The following SLC2A8 variants were observed in gnomAD, a reference collection of about 807,000 sequenced individuals.
SLC2A8 encodes solute carrier family 2, facilitated glucose transporter member 8.
A neutral mutation model predicts 49.2 loss-of-function variants in SLC2A8; 53 were observed. The ratio of observed to expected loss-of-function variants is 1.08; its 90% CI spans 0.86 to 1.35. The LOEUF (loss-of-function observed/expected upper bound fraction) is 1.35. Among genes scored for constraint, SLC2A8 ranks in the 40% most tolerant of loss-of-function variants. The pLI is 0.00. For synonymous variants in SLC2A8, 299 were observed against 297.0 expected (o/e 1.01, Z -0.07); for missense variants, 688 against 671.7 (o/e 1.02, Z -0.27).
intron 4 of SLC2A8, among the ~76,000 whole-genome samples, chr9:127,401,046 G>A (rs1461273781): frequency 1.3e-5 from 2 of 152,224 alleles, no homozygotes; most frequent in Non-Finnish European, 2.9e-5. Flanking sequence ...AGTGAGCTGA[G>A]ATCGCGCCAC....
chr9:127,404,354 A>G (rs1833410206), intron 7 of SLC2A8: 1 of 377,316 alleles, frequency 2.7e-6, no homozygotes, highest in East Asian at 5.2e-5. Context: ...AAGTGACTCA[A>G]GAGTTTGTGG....
chr9:127,398,191 G>A lies in SLC2A8; in HGVS notation c.426+80G>A, dbSNP rs112077033. The A allele has an allele frequency of 4.5e-3, 6,491 of 1,450,202 alleles. 230 individuals are homozygous for A. In the African/African-American group the frequency reaches 0.078, roughly 18 times the overall value. 89.8% of individuals were successfully genotyped at this position (1,450,202 alleles called of 1,614,324 possible). On this transcript the variant is annotated intron_variant, in intron 3 of 9. Coordinates refer to ENST00000373371, the MANE Select transcript of SLC2A8 (RefSeq NM_014580.5). ...TGGGACAAACCGCTCCCCAGGCCTG[G>A]GGGCGCGGCTCCCCCTGGCGGGACC...
Position 127,399,557 on chromosome 9 carries a change from A to G in SLC2A8, c.427-350A>G, listed in dbSNP as rs1833189380. 6.8e-6 allele frequency among the ~76,000 whole-genome samples: 1 copy of G among 146,360 alleles called. No homozygotes were observed. The highest frequency in any genetic ancestry group is 2.6e-5 in the African/African-American group (1 of 38,956). On this transcript the variant is annotated intron_variant, in intron 3 of 9. Transcript: ENST00000373371. This position sits in a 1 kb window ranked among gnomAD's most constrained non-coding sequence, Gnocchi z 4.2. ...TTTAAGAACTCTTGGAGCCTGAGTA[A>G]AGCCTCATCTTTTTTTTTTTTTTTT...
At position 127,407,744 on chromosome 9, in the gene SLC2A8, GCTTTA is replaced by G. The variant is rs1428161522; in HGVS notation, c.*499_*503del. The G allele has an allele frequency of 5.4e-6, 1 of 186,466 alleles. No individual in the cohort carries two copies. Among genetic ancestry groups the G allele is most frequent in the Non-Finnish European group, 1.2e-5 (1 of 86,838 alleles). 11.6% of individuals were successfully genotyped at this position (186,466 alleles called of 1,614,324 possible). ...CCATCACTGCCCAGGACACCCTGTG[GCTTTA>G]CTTGCTCATGGTCAGCCAAGCTTAC... On this transcript the variant is annotated 3_prime_UTR_variant, in exon 10 of 10. Coordinates refer to ENST00000373371, the MANE Select transcript of SLC2A8 (RefSeq NM_014580.5).
intron 4 of SLC2A8, among the ~76,000 whole-genome samples, chr9:127,400,413 T>C (rs1369853780): frequency 1.3e-5 from 2 of 151,870 alleles, no homozygotes; most frequent in Non-Finnish European, 2.9e-5. Context: ...AAACCTCAGC[T>C]TCCCAAAGTG....
At position 127,404,890 on chromosome 9, in the gene SLC2A8, C is replaced by G. The variant is rs758945411; in HGVS notation, c.1049C>G (p.Ser350Cys). 4 of 1,612,734 alleles carry G rather than the reference C, an allele frequency of 2.5e-6. No homozygotes were observed. Among genetic ancestry groups the G allele is most frequent in the Non-Finnish European group, 3.4e-6 (4 of 1,179,806 alleles). ...FKLTQGGPGNSSHVAISAPVS... is the reference protein window; with the variant it reads ...FKLTQGGPGNCSHVAISAPVS... Reference sequence around the variant, plus strand: ...CTGACCCAGGGTGGCCCTGGCAACTCCTCGCACGTGGCCATCTCGGCGCCT... The same window carrying G: ...CTGACCCAGGGTGGCCCTGGCAACTGCTCGCACGTGGCCATCTCGGCGCCT... The change falls in exon 8 of 10, where the codon TCC becomes TGC. Residue 350 changes from serine (S) to cysteine (C), a missense_variant. Coordinates refer to ENST00000373371, the MANE Select transcript of SLC2A8 (RefSeq NM_014580.5).
intron 1 of SLC2A8, 44 bp from the exon 2 acceptor site, chr9:127,397,332 C>T: frequency 1.4e-6 from 2 of 1,387,574 alleles, no homozygotes; most frequent in Non-Finnish European, 9.2e-7. Context: ...CGCCCTCCCG[C>T]CCCTCCGCGT....
At chr9:127,406,578 C>T (rs918129872) in intron 9 of SLC2A8, among the ~76,000 whole-genome samples, 3 of 126,658 alleles carry the variant, frequency 2.4e-5, no homozygotes, top group African/African-American at 8.5e-5. Flanking sequence ...CCCAGAGGAC[C>T]AGGAGCTGAG....
At chr9:127,402,797 C>T in intron 5 of SLC2A8, 44 bp downstream of exon 5, 2 of 1,484,910 alleles carry the variant, frequency 1.3e-6, no homozygotes, top group Middle Eastern at 2.2e-4. Flanking sequence ...GGACAGCAGT[C>T]ACGGGAGGGT....
At position 127,399,217 on chromosome 9, in the gene SLC2A8, C is replaced by T. The variant is rs1445821026; in HGVS notation, c.427-690C>T. ...GCCCTGGGCTAGGATCCTGGGTGGG[C>T]GTCACGTGGAGCTGGTTAACAAGGT... On this transcript the variant is annotated intron_variant, in intron 3 of 9. Transcript: ENST00000373371. This position sits in a 1 kb window ranked among gnomAD's most constrained non-coding sequence, Gnocchi z 4.2. 1.3e-5 allele frequency among the ~76,000 whole-genome samples: 2 copies of T among 152,144 alleles called. No individual in the cohort carries two copies. The highest frequency in any genetic ancestry group is 2.9e-5 in the Non-Finnish European group (2 of 68,026).
Position 127,404,032 on chromosome 9 carries a change from A to T in SLC2A8, c.941A>T (p.Asp314Val). 1 of 1,605,146 alleles carries T rather than the reference A, an allele frequency of 6.2e-7. No homozygotes were observed. The change falls in exon 7 of 10, where the codon GAC becomes GTC. Residue 314 changes from aspartate to valine, a missense_variant. By Grantham distance (152) the Asp-to-Val change is radical. Coordinates refer to ENST00000373371, the MANE Select transcript of SLC2A8 (RefSeq NM_014580.5). ...ACAGCTGTGGCGGCTCTCATCATGGACAGAGCAGGGCGGAGGCTGCTCCTG... is the reference window on the plus strand; with the variant it reads ...ACAGCTGTGGCGGCTCTCATCATGGTCAGAGCAGGGCGGAGGCTGCTCCTG... Reference protein sequence around the residue: ...LFTAVAALIMDRAGRRLLLVL... With the variant: ...LFTAVAALIMVRAGRRLLLVL...
In SLC2A8 at chr9:127,404,902, C is replaced by T. The variant is rs1172108724; in HGVS notation, c.1061C>T (p.Ala354Val). 6.2e-7 allele frequency: 1 copy of T among 1,612,716 alleles called. No homozygotes were observed. Among genetic ancestry groups the T allele is most frequent in the Non-Finnish European group, 8.5e-7 (1 of 1,179,878 alleles). Residue 354 changes from alanine (A) to valine (V), a missense_variant, in exon 8 of 10, where the codon GCC (alanine) becomes GTC (valine). Ala to Val is a moderately conservative substitution (Grantham distance 64). Transcript: ENST00000373371. ...QGGPGNSSHV[A>V]ISAPVSAQPV... ...GGCCCTGGCAACTCCTCGCACGTGG[C>T]CATCTCGGCGCCTGTCTCTGCACAG...
chr9:127,406,326 G>T (rs562028989), intron 9 of SLC2A8, among the ~76,000 whole-genome samples: 1 of 152,350 alleles, frequency 6.6e-6, no homozygotes, highest in Non-Finnish European at 1.5e-5. Context: ...TGAGGGGCCA[G>T]CCTGGAGTCT....
chr9:127,404,911 C>T lies in SLC2A8; in HGVS notation c.1070C>T (p.Ala357Val), dbSNP rs748032046. Reference protein sequence around the residue: ...PGNSSHVAISAPVSAQPVDAS... With the variant: ...PGNSSHVAISVPVSAQPVDAS... Reference sequence around the variant, plus strand: ...AACTCCTCGCACGTGGCCATCTCGGCGCCTGTCTCTGCACAGCCTGTTGAT... The same window carrying T: ...AACTCCTCGCACGTGGCCATCTCGGTGCCTGTCTCTGCACAGCCTGTTGAT... Residue 357 changes from alanine to valine, a missense_variant, in exon 8 of 10, where the codon GCG becomes GTG. Physicochemically the swap from Ala to Val is moderately conservative, Grantham distance 64. Coordinates refer to ENST00000373371, the MANE Select transcript of SLC2A8 (RefSeq NM_014580.5). 4 of 1,612,636 alleles carry T rather than the reference C, an allele frequency of 2.5e-6. No individual in the cohort carries two copies. The highest frequency in any genetic ancestry group is 1.7e-5 in the Admixed American group (1 of 60,030).
rs1833115795 is a variant in SLC2A8, at chr9:127,398,109, C to T, written c.424C>T (p.Pro142Ser). The T allele has an allele frequency of 1.3e-6, 2 of 1,574,670 alleles. No individual in the cohort carries two copies. The highest frequency in any genetic ancestry group is 2.3e-5 in the East Asian group (1 of 43,708). The change falls in exon 3 of 10, where the codon CCG becomes TCG. Residue 142 changes from proline (P) to serine (S), a missense_variant and splice_region_variant. Transcript: ENST00000373371. ...CTGCGGTGTTGCCTCCCTAGTGGCCCCGGTGAGTGTCCCGTCTCTCGAGTG... is the reference window on the plus strand; with the variant it reads ...CTGCGGTGTTGCCTCCCTAGTGGCCTCGGTGAGTGTCCCGTCTCTCGAGTG... ...LACGVASLVAPVYISEIAYPA... is the reference protein window; with the variant it reads ...LACGVASLVASVYISEIAYPA...
rs543633195 is a variant in SLC2A8, at chr9:127,406,001, G to A, written c.1296+436G>A. ...GAGAGTAACAGCAGCTTGCTCTTAAGACGGATGGGAGCATTAATTCAGTTC... is the reference window on the plus strand; with the variant it reads ...GAGAGTAACAGCAGCTTGCTCTTAAAACGGATGGGAGCATTAATTCAGTTC... On this transcript the variant is annotated intron_variant, in intron 9 of 9. Transcript: ENST00000373371. 55 of 522,304 alleles carry A rather than the reference G, an allele frequency of 1.1e-4. 1 individual carries two copies. The highest frequency in any genetic ancestry group is 7.4e-4 in the South Asian group (53 of 71,626). The allele number at this position is 522,304 out of a possible 1,614,324, so 32.4% of individuals were successfully genotyped here.
At position 127,407,472 on chromosome 9, in the gene SLC2A8, G is replaced by A. The variant is rs777138272; in HGVS notation, c.*223G>A. 23 of 681,610 alleles carry A rather than the reference G, an allele frequency of 3.4e-5. No individual in the cohort carries two copies. Among genetic ancestry groups the A allele is most frequent in the Non-Finnish European group, 5.5e-5 (20 of 364,528 alleles). 42.2% of individuals were successfully genotyped at this position (681,610 alleles called of 1,614,324 possible). A position where few individuals can be genotyped will look rare whatever the true frequency, so the allele number is the denominator to read the frequency against. On this transcript the variant is annotated 3_prime_UTR_variant, in exon 10 of 10. Coordinates refer to ENST00000373371, the MANE Select transcript of SLC2A8 (RefSeq NM_014580.5). ...GCTCTGAGGACTCAGGAACACCTTCGAGCTTTGCAGACCTGCGGTCAGCCC... is the reference window on the plus strand; with the variant it reads ...GCTCTGAGGACTCAGGAACACCTTCAAGCTTTGCAGACCTGCGGTCAGCCC...
chr9:127,397,322 C>T (rs781603196), intron 1 of SLC2A8, 36 bp downstream of exon 1: 16 of 1,380,190 alleles, frequency 1.2e-5, no homozygotes, highest in South Asian at 1.7e-5. Flanking sequence ...GATGCGGCCT[C>T]GCCCTCCCGC....
chr9:127,397,759 G>C, intron 2 of SLC2A8, 146 bp from the exon 3 acceptor site: 1 of 1,071,466 alleles, frequency 9.3e-7, no homozygotes, highest in Non-Finnish European at 1.3e-6. Flanking sequence ...CTCGGGACGA[G>C]CACCGGGCCC....
Sources: gnomAD v4.1 joint callset for allele counts (sites outside exome capture counted in the v4.1 genomes callset) on GRCh38, gnomAD v4.1.1 for gene constraint, Gnocchi (gnomAD v3.1) non-coding constraint, MANE v1.5 for transcripts, NCBI Gene and HGNC (gene_info 2026-07-23, HGNC 2026-07-21) for gene names.